Variants in PTPRD observed in about 807,000 individuals in gnomAD.
The protein encoded by PTPRD is receptor-type tyrosine-protein phosphatase delta.
In PTPRD, 34 loss-of-function variants were observed where a neutral mutation model predicts 214.5. That is an observed-to-expected ratio of 0.16 (90% CI 0.12 to 0.21). The LOEUF (loss-of-function observed/expected upper bound fraction) is 0.21. Ranked by LOEUF, PTPRD falls within the 10% of genes least tolerant of loss-of-function variation. The probability of loss-of-function intolerance (pLI) is 1.00; values close to 1 mark genes in which losing one functional copy is unlikely to be tolerated. For missense variants in PTPRD, 2,545 were observed against 2,398.7 expected (o/e 1.06, Z -1.27); for synonymous variants, 1,128 against 845.7 (o/e 1.33, Z -5.79).
intron 11 of PTPRD, among the ~76,000 whole-genome samples, chr9:8,885,768 A>C (rs1312675960): frequency 3.3e-5 from 5 of 152,128 alleles, no homozygotes; most frequent in African/African-American, 1.2e-4. Flanking sequence ...ATGTGCTGGG[A>C]TTATCAGCGT....
Position 9,400,901 on chromosome 9 carries a change from C to A in PTPRD, c.-236-3419G>T, listed in dbSNP as rs556451234. On this transcript the variant is annotated intron_variant, in intron 8 of 45. Coordinates refer to ENST00000381196, the MANE Select transcript of PTPRD (RefSeq NM_002839.4). Reference sequence around the variant, plus strand: ...AATTACCCATCCACTTCTCCATATTCGACCATTTAATTCTTATAAAGGGTG... The same window carrying A: ...AATTACCCATCCACTTCTCCATATTAGACCATTTAATTCTTATAAAGGGTG... 7.9e-5 allele frequency among the ~76,000 whole-genome samples: 12 copies of A among 152,090 alleles called. No individual in the cohort carries two copies. The South Asian group carries it at 2.5e-3, about 32-fold the overall frequency.
At chr9:8,807,636 T>C (rs891041186) in intron 11 of PTPRD, among the ~76,000 whole-genome samples, 4 of 152,096 alleles carry the variant, frequency 2.6e-5, no homozygotes, top group East Asian at 3.9e-4. Flanking sequence ...TTCTCTAATA[T>C]GGATTTGGTT....
chr9:9,596,864 T>C (rs2093390658), intron 7 of PTPRD, among the ~76,000 whole-genome samples: 1 of 152,086 alleles, frequency 6.6e-6, no homozygotes, highest in Non-Finnish European at 1.5e-5. Context: ...AATTAAAATA[T>C]ATGATATCAT....
chr9:10,612,387 A>G lies in PTPRD; in HGVS notation c.-600+11T>C, dbSNP rs939392362. On this transcript the variant is annotated intron_variant, in intron 2 of 45. Coordinates refer to ENST00000381196, the MANE Select transcript of PTPRD (RefSeq NM_002839.4). ...TTAGAGAAAAGAAAGACAGAAGCACAGTTTACTTACTAAAGCAGCCGCTCC... is the reference window on the plus strand; with the variant it reads ...TTAGAGAAAAGAAAGACAGAAGCACGGTTTACTTACTAAAGCAGCCGCTCC... 3.9e-5 allele frequency: 6 copies of G among 152,216 alleles called. No homozygotes were observed. The highest frequency in any genetic ancestry group is 1.4e-4 in the African/African-American group (6 of 41,434). 9.4% of individuals were successfully genotyped at this position (152,216 alleles called of 1,614,324 possible).
intron 4 of PTPRD, among the ~76,000 whole-genome samples, chr9:9,976,603 G>T (rs545188272): frequency 1.5e-4 from 21 of 139,354 alleles, no homozygotes; most frequent in Admixed American, 1.2e-3. Context: ...AGCCAGGCTG[G>T]TCTCAAAGTC....
intron 5 of PTPRD, among the ~76,000 whole-genome samples, chr9:9,806,622 T>C (rs2099074894): frequency 6.6e-6 from 1 of 152,026 alleles, no homozygotes; most frequent in African/African-American, 2.4e-5. Context: ...CTTTACTGAC[T>C]CCTTTCTCAG....
intron 3 of PTPRD, among the ~76,000 whole-genome samples, chr9:10,299,923 T>C (rs909669261): frequency 1.3e-5 from 2 of 152,216 alleles, no homozygotes; most frequent in African/African-American, 4.8e-5. Context: ...GTGTCATTGC[T>C]CTCATATAGA....
intron 14 of PTPRD, among the ~76,000 whole-genome samples, chr9:8,555,940 A>C (rs147208108): frequency 6.6e-6 from 1 of 152,206 alleles, no homozygotes; most frequent in African/African-American, 2.4e-5. Context: ...GGGTCAGAGC[A>C]GATGCAGATC....
At chr9:9,520,103 G>T (rs1420861060) in intron 8 of PTPRD, among the ~76,000 whole-genome samples, 2 of 151,704 alleles carry the variant, frequency 1.3e-5, no homozygotes, top group African/African-American at 4.8e-5. Flanking sequence ...GTACCTACTC[G>T]TACAAGAGAT....
intron 8 of PTPRD, among the ~76,000 whole-genome samples, chr9:9,414,085 G>C (rs1041441109): frequency 4.6e-5 from 7 of 152,108 alleles, no homozygotes; most frequent in Non-Finnish European, 1.0e-4. Context: ...CGTTTGATTG[G>C]GTTCAAACTC....
intron 2 of PTPRD, among the ~76,000 whole-genome samples, chr9:10,420,836 T>C (rs1407035160): frequency 1.3e-5 from 2 of 151,890 alleles, no homozygotes; most frequent in African/African-American, 2.4e-5. Flanking sequence ...GTTAGGTACC[T>C]TCTTTTTTTT....
intron 2 of PTPRD, among the ~76,000 whole-genome samples, chr9:10,448,270 G>A (rs2098813186): frequency 6.6e-6 from 1 of 151,930 alleles, no homozygotes; most frequent in Non-Finnish European, 1.5e-5. Context: ...TAGAGAGTTG[G>A]TGATAGCCTG....
At chr9:10,518,464 A>G (rs746318634) in intron 2 of PTPRD, among the ~76,000 whole-genome samples, 16 of 152,198 alleles carry the variant, frequency 1.1e-4, no homozygotes, top group Non-Finnish European at 1.0e-4. Context: ...TCATTCCATC[A>G]AGTTTAAGGA....
At chr9:8,818,694 G>T (rs1225226628) in intron 11 of PTPRD, among the ~76,000 whole-genome samples, 2 of 152,170 alleles carry the variant, frequency 1.3e-5, no homozygotes, top group African/African-American at 4.8e-5. Context: ...ACTTAGATGT[G>T]CTTCTTACAA....
chr9:9,512,638 A>G (rs551372101), intron 8 of PTPRD, among the ~76,000 whole-genome samples: 1 of 151,942 alleles, frequency 6.6e-6, no homozygotes, highest in African/African-American at 2.4e-5. Context: ...GGCATCTTGT[A>G]TTCACAGGAG....
chr9:10,170,730 C>T (rs1407571069), intron 3 of PTPRD, among the ~76,000 whole-genome samples: 1 of 152,170 alleles, frequency 6.6e-6, no homozygotes, highest in Non-Finnish European at 1.5e-5. Context: ...TACAGTTAGT[C>T]ACAACCTGTA....
chr9:8,953,916 A>G (rs1164588663), intron 11 of PTPRD, among the ~76,000 whole-genome samples: 1 of 151,978 alleles, frequency 6.6e-6, no homozygotes, highest in East Asian at 1.9e-4. Flanking sequence ...TAGTCCTGCC[A>G]CTGCGGAAAG....
At chr9:10,143,058 G>C (rs1166670637) in intron 3 of PTPRD, among the ~76,000 whole-genome samples, 1 of 152,008 alleles carries the variant, frequency 6.6e-6, no homozygotes, top group Non-Finnish European at 1.5e-5. Context: ...GTCACTCATA[G>C]GTGGGAATTG....
chr9:10,187,222 C>G (rs2099338581), intron 3 of PTPRD, among the ~76,000 whole-genome samples: 1 of 152,114 alleles, frequency 6.6e-6, no homozygotes, highest in African/African-American at 2.4e-5. Flanking sequence ...GCATGCAACA[C>G]AGCATCGTGT....
Sources: allele counts gnomAD v4.1 joint callset (sites outside exome capture counted in the v4.1 genomes callset), GRCh38; gene constraint gnomAD v4.1.1; transcripts MANE v1.5; gene names NCBI Gene and HGNC (gene_info 2026-07-23, HGNC 2026-07-21).